Variants in AMOT observed in about 807,000 individuals in gnomAD.
AMOT encodes the protein angiomotin.
A neutral mutation model predicts 67.0 loss-of-function variants in AMOT; 11 were observed. The observed-to-expected ratio is 0.16, with a 90% confidence interval of 0.10 to 0.27. AMOT has a LOEUF of 0.27. Ranked by LOEUF, AMOT falls within the 10% of genes least tolerant of loss-of-function variation. AMOT has a pLI of 1.00. For missense variants in AMOT, 753 were observed against 852.0 expected (o/e 0.88, Z 1.45); for synonymous variants, 326 against 321.4 (o/e 1.01, Z -0.15).
chrX:112,838,997 T>C lies in AMOT; in HGVS notation c.-289+1455A>G, dbSNP rs527658337. 4.4e-5 allele frequency among the ~76,000 whole-genome samples: 5 copies of C among 112,535 alleles called. No individual in the cohort carries two copies. In the South Asian group the frequency reaches 1.9e-3, roughly 42 times the overall value. ...AAAATGTCCCAGGCCAGTTATAAAA[T>C]GTAGTTTGGTCAGGCCAGCTTTTCC... On this transcript the variant is annotated intron_variant, in intron 1 of 13. Transcript: ENST00000371959.
chrX:112,811,349 G>C lies in AMOT; in HGVS notation c.1437C>G (p.Leu479=). 1.7e-6 allele frequency: 2 copies of C among 1,209,918 alleles called. No homozygotes were observed. Among genetic ancestry groups the C allele is most frequent in the East Asian group, 3.0e-5 (1 of 33,813 alleles). Residue 479 remains leucine (L), a synonymous_variant, in exon 6 of 14, where the codon CTC becomes CTG. Coordinates refer to ENST00000371959, the MANE Select transcript of AMOT (RefSeq NM_001113490.2). ...IQRVSEAYEN[L]VKSSSKREAL... is the part of the protein sequence containing the mutation. ...CCTCTCTTTTGGAGGATGACTTCAC[G>C]AGGTTCTCATATGCCTCCGAGACGC...
At chrX:112,828,576 A>T (rs760900896) in intron 2 of AMOT, among the ~76,000 whole-genome samples, 1 of 109,919 alleles carries the variant, frequency 9.1e-6, no homozygotes, top group Admixed American at 9.8e-5. Context: ...CAAAAACAAA[A>T]AAACTTTATT....
intron 2 of AMOT, among the ~76,000 whole-genome samples, chrX:112,825,709 CAGAT>C (rs1251466940): frequency 8.1e-5 from 9 of 110,463 alleles, no homozygotes; most frequent in Admixed American, 7.8e-4. Flanking sequence ...GCCTCAAGCT[CAGAT>C]AGGTGGAGGG....
At chrX:112,806,403 G>A (rs551121431) in intron 7 of AMOT, among the ~76,000 whole-genome samples, 2 of 96,654 alleles carry the variant, frequency 2.1e-5, no homozygotes, top group African/African-American at 3.9e-5. Flanking sequence ...ATACAAAAAC[G>A]TATGTGTGTA....
chrX:112,812,170 A>T (rs1012150617), intron 5 of AMOT, among the ~76,000 whole-genome samples: 2 of 111,841 alleles, frequency 1.8e-5, no homozygotes, highest in African/African-American at 6.5e-5. Flanking sequence ...TTCTGAGAAG[A>T]GGTGGCATTT....
chrX:112,780,203 A>AAAATGCTT (rs1185588686), intron 12 of AMOT, among the ~76,000 whole-genome samples: 2 of 112,366 alleles, frequency 1.8e-5, no homozygotes, highest in Non-Finnish European at 3.8e-5. Flanking sequence ...CATAGTCCCC[A>AAAATGCTT]AAATGCTTAT....
intron 8 of AMOT, among the ~76,000 whole-genome samples, chrX:112,792,987 T>TTAAAGAAGATATATATCTTCTTCA (rs1933667821): frequency 2.7e-5 from 3 of 109,175 alleles, no homozygotes; most frequent in African/African-American, 1.0e-4. Context: ...TATCTTCTTC[T>TTAAAGAAGATATATATCTTCTTCA]TTAAAGAAGA....
At chrX:112,820,220 A>G (rs145501512) in intron 4 of AMOT, among the ~76,000 whole-genome samples, 2,186 of 111,552 alleles carry the variant, frequency 0.02, 27 homozygotes, top group Non-Finnish European at 0.029. Context: ...ATAGAGAAAA[A>G]CCTGTTACAG....
rs142272004 is a variant in AMOT at position 112,785,178 on chromosome X, G to A, written c.2118-2516C>T. Among the ~76,000 whole-genome samples the A allele has an allele frequency of 9.6e-3, 1,072 of 112,196 alleles. 15 individuals carry two copies. Among genetic ancestry groups the A allele is most frequent in the African/African-American group, 0.033 (1,025 of 30,891 alleles). On this transcript the variant is annotated intron_variant, in intron 10 of 13. Coordinates refer to ENST00000371959, the MANE Select transcript of AMOT (RefSeq NM_001113490.2). Reference sequence around the variant, plus strand: ...TCAGGAGAGAGAGATGCTGGGCTACGATCTGAAAATAAAACCTGCAAACCC... The same window carrying A: ...TCAGGAGAGAGAGATGCTGGGCTACAATCTGAAAATAAAACCTGCAAACCC...
intron 8 of AMOT, among the ~76,000 whole-genome samples, chrX:112,803,736 T>C (rs924563995): frequency 1.8e-5 from 2 of 112,234 alleles, no homozygotes; most frequent in Admixed American, 1.9e-4. Context: ...CCTATTCTTA[T>C]TGAGGGAAAG....
At chrX:112,788,626 G>C (rs943310069) in intron 10 of AMOT, among the ~76,000 whole-genome samples, 1 of 112,144 alleles carries the variant, frequency 8.9e-6, no homozygotes, top group Non-Finnish European at 1.9e-5. Context: ...GAATCACCTA[G>C]TCCAATTCCC....
At chrX:112,791,324 G>A (rs1223317631) in intron 9 of AMOT, among the ~76,000 whole-genome samples, 1 of 111,089 alleles carries the variant, frequency 9.0e-6, no homozygotes, top group Non-Finnish European at 1.9e-5. Flanking sequence ...GGAAGGTGGA[G>A]GTTGCAGTGA....
chrX:112,784,079 T>C (rs1381333288), intron 10 of AMOT, among the ~76,000 whole-genome samples: 3 of 112,173 alleles, frequency 2.7e-5, no homozygotes, highest in African/African-American at 6.5e-5. Flanking sequence ...GATGAAATAA[T>C]TGGAGAACAA....
At chrX:112,784,570 C>G (rs1042416486) in intron 10 of AMOT, among the ~76,000 whole-genome samples, 1 of 111,607 alleles carries the variant, frequency 9.0e-6, no homozygotes, top group African/African-American at 3.3e-5. Flanking sequence ...TTGGGTGACA[C>G]AGCAAGACCC....
At chrX:112,836,226 A>G (rs1935126893) in intron 1 of AMOT, among the ~76,000 whole-genome samples, 1 of 111,816 alleles carries the variant, frequency 8.9e-6, no homozygotes, top group African/African-American at 3.2e-5. Flanking sequence ...ATCATTGCCA[A>G]TGATTTACAC....
intron 6 of AMOT, 43 bp from the exon 7 acceptor site, chrX:112,810,029 T>G (rs1445635179): frequency 9.4e-7 from 1 of 1,059,221 alleles, no homozygotes; most frequent in Admixed American, 2.2e-5. Context: ...AAATGTAAAC[T>G]TTCATGCACA....
At chrX:112,785,766 C>T (rs1933346322) in intron 10 of AMOT, among the ~76,000 whole-genome samples, 1 of 112,086 alleles carries the variant, frequency 8.9e-6, no homozygotes, top group Admixed American at 9.5e-5. Context: ...AACTATGCAC[C>T]AGCGAAGTGG....
intron 7 of AMOT, 97 bp from the exon 8 acceptor site, chrX:112,805,189 A>G: frequency 9.9e-7 from 1 of 1,009,270 alleles, no homozygotes; most frequent in Non-Finnish European, 1.4e-6. Flanking sequence ...TAGATAGCCT[A>G]CTGCTCTAGT....
intron 10 of AMOT, among the ~76,000 whole-genome samples, chrX:112,790,176 T>G (rs1933519882): frequency 9.3e-6 from 1 of 107,343 alleles, no homozygotes; most frequent in Non-Finnish European, 1.9e-5. Context: ...AAGCCAGAGC[T>G]ATCAAATGAC....
Sources: gnomAD v4.1 joint callset for allele counts (sites outside exome capture counted in the v4.1 genomes callset) on GRCh38, gnomAD v4.1.1 for gene constraint, MANE v1.5 for transcripts, NCBI Gene and HGNC (gene_info 2026-07-23, HGNC 2026-07-21) for gene names.